TGM2: variants seen among roughly 807,000 people sequenced by gnomAD.
The protein encoded by TGM2 is transglutaminase 2, also known as protein-glutamine gamma-glutamyltransferase 2.
In TGM2, 53 loss-of-function variants were observed where a neutral mutation model predicts 75.6. That is an observed-to-expected ratio of 0.70 (90% CI 0.56 to 0.88). The LOEUF (loss-of-function observed/expected upper bound fraction) is 0.88. Among genes scored for constraint, TGM2 ranks in the 40% least tolerant of loss-of-function variants. The pLI, the probability that TGM2 is intolerant of heterozygous loss-of-function variation, is 0.00. For synonymous variants in TGM2, 374 were observed against 381.1 expected (o/e 0.98, Z 0.22); for missense variants, 842 against 928.5 (o/e 0.91, Z 1.21).
chr20:38,161,631 G>A (rs1287319671), intron 1 of TGM2, 32 bp from the exon 2 acceptor site: 14 of 1,613,562 alleles, frequency 8.7e-6, no homozygotes, highest in South Asian at 3.3e-5. Flanking sequence ...CATGAGCCTC[G>A]GGGGCATCCT....
intron 5 of TGM2, among the ~76,000 whole-genome samples, 189 bp downstream of exon 5, chr20:38,147,772 C>T (rs45480501): frequency 2.7e-3 from 406 of 152,292 alleles, no homozygotes; most frequent in African/African-American, 9.5e-3. Context: ...AAATTAATTG[C>T]TCTGGGGGAC....
chr20:38,131,439 A>G (rs576448951), intron 11 of TGM2, among the ~76,000 whole-genome samples: 82 of 151,576 alleles, frequency 5.4e-4, no homozygotes, highest in African/African-American at 1.8e-3. Flanking sequence ...TGGAGCTGCA[A>G]TGAGGCTCCA....
At chr20:38,161,701 C>G in intron 1 of TGM2, 102 bp from the exon 2 acceptor site, 1 of 1,370,354 alleles carries the variant, frequency 7.3e-7, no homozygotes, top group Non-Finnish European at 1.0e-6. Context: ...CCCTCTTACT[C>G]CCCACAAAGC....
chr20:38,132,676 G>T, intron 10 of TGM2, 176 bp from the exon 11 acceptor site: 1 of 860,584 alleles, frequency 1.2e-6, no homozygotes. Flanking sequence ...GCGAGGAGCT[G>T]GAGAGTGGAC....
In TGM2 at chr20:38,130,316, G is replaced by A. The variant is rs756435669; in HGVS notation, c.1967C>T (p.Pro656Leu). 2.2e-5 allele frequency: 36 copies of A among 1,609,558 alleles called. No individual in the cohort carries two copies. Among genetic ancestry groups the A allele is most frequent in the Non-Finnish European group, 3.0e-5 (35 of 1,178,534 alleles). ...CAGCTTGTGGAGGCCCATGTGGAGC[G>A]GCAGCAGGTCCATTCTCACCTTAAC... ...EEVKVRMDLLPLHMGLHKLVV... is the reference protein window; with the variant it reads ...EEVKVRMDLLLLHMGLHKLVV... Residue 656 changes from proline (P) to leucine (L), a missense_variant, in exon 13 of 13, where the codon CCG becomes CTG. By Grantham distance (98) the Pro-to-Leu change is moderately conservative (BLOSUM62 -3). Transcript: ENST00000361475.
At chr20:38,149,424 T>A (rs1476974652) in intron 4 of TGM2, among the ~76,000 whole-genome samples, 2 of 152,090 alleles carry the variant, frequency 1.3e-5, no homozygotes, top group African/African-American at 4.8e-5. Flanking sequence ...ACGCCTGTAA[T>A]CCCAGCACTT....
At chr20:38,136,827 AC>A (rs1260144964) in intron 10 of TGM2, among the ~76,000 whole-genome samples, 1 of 151,922 alleles carries the variant, frequency 6.6e-6, no homozygotes, top group African/African-American at 2.4e-5. Context: ...TCGCTATGTG[AC>A]CTCAGTGGCC....
At chr20:38,148,248 C>G (rs2075070924) in intron 4 of TGM2, among the ~76,000 whole-genome samples, 159 bp from the exon 5 acceptor site, 1 of 152,234 alleles carries the variant, frequency 6.6e-6, no homozygotes, top group Non-Finnish European at 1.5e-5. Flanking sequence ...GGCAGCTTCT[C>G]TTGGCACAGG....
In TGM2 at chr20:38,141,297, G is replaced by A. The variant is rs2074969554; in HGVS notation, c.1084C>T (p.Gln362Ter). 6.3e-7 allele frequency: 1 copy of A among 1,579,142 alleles called. No individual in the cohort carries two copies. The highest frequency in any genetic ancestry group is 8.6e-7 in the Non-Finnish European group (1 of 1,162,150). Residue 362 changes from glutamine to a stop codon, truncating the protein, a stop_gained, in exon 8 of 13, where the codon CAG (glutamine) becomes TAG (stop). Coordinates refer to ENST00000361475, the MANE Select transcript of TGM2 (RefSeq NM_004613.4). LOFTEE classifies it high-confidence loss of function. ...GCCCACGCACCTTCGCTCTTCTCCT[G>A]GGGCGTTGGGTCCAGGGCCTGCCAG... ...EGWQALDPTP[Q>*]EKSEGTYCCG...
At chr20:38,157,794 T>C (rs1404527671) in intron 2 of TGM2, among the ~76,000 whole-genome samples, 2 of 152,202 alleles carry the variant, frequency 1.3e-5, no homozygotes, top group Non-Finnish European at 2.9e-5. Context: ...AGAGAGTTCA[T>C]AGAAAGCATT....
At position 38,142,149 on chromosome 20, in the gene TGM2, C is replaced by G. The variant is rs1419643870; in HGVS notation, c.910G>C (p.Ala304Pro). 6.2e-7 allele frequency: 1 copy of G among 1,614,038 alleles called. No individual in the cohort carries two copies. The highest frequency in any genetic ancestry group is 1.3e-5 in the African/African-American group (1 of 74,908). Residue 304 changes from alanine to proline, a missense_variant, in exon 7 of 13, where the codon GCC (alanine) becomes CCC (proline). By Grantham distance (27) the Ala-to-Pro change is conservative. Coordinates refer to ENST00000361475, the MANE Select transcript of TGM2 (RefSeq NM_004613.4). ...AGAAGGTTGCTGTTCTGGTCATGGGCCGAGTTGTAGTTGGTCACGACGCGG... is the reference window on the plus strand; with the variant it reads ...AGAAGGTTGCTGTTCTGGTCATGGGGCGAGTTGTAGTTGGTCACGACGCGG... ...PTRVVTNYNS[A>P]HDQNSNLLIE... is the part of the protein sequence containing the mutation.
At chr20:38,138,677 C>T (rs919270968) in intron 9 of TGM2, among the ~76,000 whole-genome samples, 1 of 152,172 alleles carries the variant, frequency 6.6e-6, no homozygotes, top group Non-Finnish European at 1.5e-5. Flanking sequence ...TTGAGCTGCT[C>T]GAGGGCTAAG....
chr20:38,149,112 C>T (rs1462658053), intron 4 of TGM2, among the ~76,000 whole-genome samples: 2 of 152,182 alleles, frequency 1.3e-5, no homozygotes, highest in African/African-American at 2.4e-5. Flanking sequence ...TACAATATAC[C>T]TCTCAGGCAC....
rs780376814 is a variant in TGM2, at chr20:38,141,328, G to C, written c.1053C>G (p.Tyr351Ter). 1 of 1,591,196 alleles carries C rather than the reference G, an allele frequency of 6.3e-7. No homozygotes were observed. The highest frequency in any genetic ancestry group is 8.6e-7 in the Non-Finnish European group (1 of 1,168,952). Residue 351 changes from tyrosine to a stop codon, truncating the protein, a stop_gained, in exon 8 of 13, where the codon TAC becomes TAG. Coordinates refer to ENST00000361475, the MANE Select transcript of TGM2 (RefSeq NM_004613.4). LOFTEE classifies it high-confidence loss of function. The stretch of plus-strand genomic sequence containing the variant: ...TTGGGTCCAGGGCCTGCCAGCCCTC[G>C]TACCCCGGCTGCAGGTCCGGCCTGG... ...WMTRPDLQPGYEGWQALDPTP... is the reference protein window; with the variant it reads ...WMTRPDLQPG
chr20:38,158,739 C>T (rs763313721), intron 2 of TGM2, among the ~76,000 whole-genome samples: 3 of 152,236 alleles, frequency 2.0e-5, no homozygotes, highest in Non-Finnish European at 2.9e-5. Flanking sequence ...CCACATGCTC[C>T]ATTCGCTGAG....
chr20:38,147,356 C>G (rs1251209610), intron 5 of TGM2, among the ~76,000 whole-genome samples: 1 of 152,136 alleles, frequency 6.6e-6, no homozygotes, highest in Non-Finnish European at 1.5e-5. Flanking sequence ...TCTGCACCCA[C>G]GGGCCCTGCT....
chr20:38,149,845 G>T (rs139557465), intron 4 of TGM2, among the ~76,000 whole-genome samples: 1 of 152,210 alleles, frequency 6.6e-6, no homozygotes, highest in East Asian at 1.9e-4. Context: ...ATATCCCACA[G>T]CAGGCTACGG....
At chr20:38,139,778 G>A in intron 8 of TGM2, 124 bp from the exon 9 acceptor site, 3 of 1,301,154 alleles carry the variant, frequency 2.3e-6, no homozygotes, top group Non-Finnish European at 3.2e-6. Context: ...TCTGACGGAA[G>A]GACTCCACTT....
chr20:38,149,690 A>AAAAAAAAAAAAAAAAC lies in TGM2; in HGVS notation c.552+1248_552+1249insGTTTTTTTTTTTTTTT, dbSNP rs1457426013. ...CGAGACTCCGCCTCAAAAAAAAAAA[A>AAAAAAAAAAAAAAAAC]AAAAAAAAAAACAGGACCCTGGGAA... On this transcript the variant is annotated intron_variant, in intron 4 of 12. Coordinates refer to ENST00000361475, the MANE Select transcript of TGM2 (RefSeq NM_004613.4). Among the ~76,000 whole-genome samples the AAAAAAAAAAAAAAAAC allele has an allele frequency of 5.6e-4, 83 of 148,982 alleles. 2 individuals are homozygous for AAAAAAAAAAAAAAAAC. Among genetic ancestry groups the AAAAAAAAAAAAAAAAC allele is most frequent in the African/African-American group, 2.0e-3 (78 of 39,396 alleles).
Sources: gnomAD v4.1 joint callset for allele counts (sites outside exome capture counted in the v4.1 genomes callset) on GRCh38, gnomAD v4.1.1 for gene constraint, MANE v1.5 for transcripts, NCBI Gene and HGNC (gene_info 2026-07-23, HGNC 2026-07-21) for gene names.